The following MOBP variants were observed in gnomAD, a reference collection of about 807,000 sequenced individuals.
MOBP encodes the protein myelin-associated oligodendrocyte basic protein.
MOBP carries 5 observed loss-of-function variants against 15.0 expected under a neutral mutation model. The observed-to-expected ratio is 0.33, with a 90% CI of 0.17 to 0.70. The LOEUF (loss-of-function observed/expected upper bound fraction) is 0.70. Ranked by LOEUF, MOBP falls within the 30% of genes least tolerant of loss-of-function variation. MOBP has a pLI of 0.67. For missense variants in MOBP, 188 were observed against 257.8 expected (o/e 0.73, Z 1.85); for synonymous variants, 88 against 99.0 (o/e 0.89, Z 0.66).
At chr3:39,526,555 G>A (rs1324389852), downstream of MOBP, 1 of 152,110 alleles carries the variant, frequency 6.6e-6, no homozygotes, top group Admixed American at 6.6e-5. Flanking sequence ...CTTCTTGAGT[G>A]GGAATTCTCA....
chr3:39,513,270 A>G, intron 4 of MOBP: 2 of 808,832 alleles, frequency 2.5e-6, no homozygotes, highest in Non-Finnish European at 3.8e-6. Context: ...TTGCAGAATA[A>G]CCTCAAAGGT....
intron 4 of MOBP, among the ~76,000 whole-genome samples, chr3:39,508,393 A>G (rs928837248): frequency 3.3e-5 from 5 of 152,170 alleles, no homozygotes; most frequent in Non-Finnish European, 7.4e-5. Flanking sequence ...TATTTCACCT[A>G]TGCAGTCAAC....
At chr3:39,474,909 C>T (rs777586594) in intron 1 of MOBP, among the ~76,000 whole-genome samples, 12 of 152,234 alleles carry the variant, frequency 7.9e-5, no homozygotes, top group East Asian at 1.9e-4. Flanking sequence ...TAACATCTTA[C>T]GTAACTGTGT....
At chr3:39,516,634 C>T (rs2043205949), downstream of MOBP, among the ~76,000 whole-genome samples, 1 of 152,080 alleles carries the variant, frequency 6.6e-6, no homozygotes, top group Non-Finnish European at 1.5e-5. Context: ...TTTGAAATGA[C>T]CTATATAATT....
chr3:39,472,617 C>T (rs2042487139), intron 1 of MOBP, among the ~76,000 whole-genome samples: 1 of 152,200 alleles, frequency 6.6e-6, no homozygotes, highest in Non-Finnish European at 1.5e-5. Context: ...CCCCTTCTCT[C>T]ACTCAGCCAA....
chr3:39,481,374 G>A (rs931317021), intron 2 of MOBP, among the ~76,000 whole-genome samples: 2 of 152,180 alleles, frequency 1.3e-5, no homozygotes, highest in African/African-American at 4.8e-5. Flanking sequence ...ACTTCATACT[G>A]TCAAAAGTCT....
At chr3:39,509,166 T>C (rs781712988) in intron 4 of MOBP, among the ~76,000 whole-genome samples, 39 of 152,206 alleles carry the variant, frequency 2.6e-4, no homozygotes, top group Non-Finnish European at 5.3e-4. Context: ...GAAAGATGTT[T>C]GTTTCCAGTT....
intron 4 of MOBP, chr3:39,513,255 G>A: frequency 1.5e-6 from 1 of 688,466 alleles, no homozygotes; most frequent in Non-Finnish European, 2.3e-6. Context: ...TTAAAGAGAA[G>A]GATTTTGCAG....
At chr3:39,473,546 G>A (rs559642293) in intron 1 of MOBP, among the ~76,000 whole-genome samples, 1 of 152,322 alleles carries the variant, frequency 6.6e-6, no homozygotes, top group South Asian at 2.1e-4. Context: ...TCTGGTCCTG[G>A]AGGGATAAGG....
In MOBP at chr3:39,502,555, C is replaced by T. The variant is rs757284260; in HGVS notation, c.227C>T (p.Ser76Phe). ...QKTRTSRRAK[S>F]PQRPKQQPAA... ...CTCAGAACCAGCCGCCGTGCCAAGT[C>T]CCCTCAGAGGCCCAAGCAACAGCCA... The change falls in exon 4 of 4, where the codon TCC becomes TTC. Residue 76 changes from serine (S) to phenylalanine (F), a missense_variant. Coordinates refer to ENST00000684792, the MANE Select transcript of MOBP (RefSeq NM_001393704.1). This position sits in a 1 kb window ranked among gnomAD's most constrained non-coding sequence, Gnocchi z 6.3. 1.3e-5 allele frequency: 20 copies of T among 1,580,666 alleles called. No homozygotes were observed. Among genetic ancestry groups the T allele is most frequent in the Non-Finnish European group, 1.7e-5 (20 of 1,172,182 alleles).
chr3:39,525,051 A>G (rs1364159660), downstream of MOBP: 2 of 152,284 alleles, frequency 1.3e-5, no homozygotes, highest in African/African-American at 2.4e-5. Flanking sequence ...CACTTTTCTT[A>G]TAATGCAATA....
intron 2 of MOBP, among the ~76,000 whole-genome samples, chr3:39,490,224 C>T (rs2042775788): frequency 6.6e-6 from 1 of 152,136 alleles, no homozygotes; most frequent in South Asian, 2.1e-4. Context: ...ACTATCCTCC[C>T]CCTGTCCTCA....
intron 2 of MOBP, among the ~76,000 whole-genome samples, chr3:39,497,996 C>G (rs961366981): frequency 6.6e-6 from 1 of 152,198 alleles, no homozygotes; most frequent in Admixed American, 6.5e-5. Flanking sequence ...GACTAAAACT[C>G]TGTGATTGGT....
chr3:39,519,055 GCT>G (rs2043235767), downstream of MOBP, among the ~76,000 whole-genome samples: 1 of 152,094 alleles, frequency 6.6e-6, no homozygotes, highest in Non-Finnish European at 1.5e-5. Flanking sequence ...CTTTGGGTTT[GCT>G]ACCTGTAATT....
chr3:39,524,820 T>C (rs2043306373), exon 5 of MOBP: 1 of 152,104 alleles, frequency 6.6e-6, no homozygotes, highest in African/African-American at 2.4e-5. Context: ...ACCAATAGAA[T>C]GAGTGAATCA....
chr3:39,491,945 C>A (rs2042801195), intron 2 of MOBP, among the ~76,000 whole-genome samples: 1 of 152,122 alleles, frequency 6.6e-6, no homozygotes. Flanking sequence ...TGACACACTT[C>A]AACAGGAATA....
chr3:39,489,250 T>G (rs2125640761), intron 2 of MOBP, among the ~76,000 whole-genome samples: 1 of 152,340 alleles, frequency 6.6e-6, no homozygotes, highest in Non-Finnish European at 1.5e-5. Context: ...CTATATTGTC[T>G]CCTAGCACCC....
At chr3:39,509,275 T>A (rs689352) in intron 4 of MOBP, among the ~76,000 whole-genome samples, 46,877 of 152,062 alleles carry the variant, frequency 0.31, 9,475 homozygotes, top group African/African-American at 0.58. Context: ...AATATGGTAG[T>A]TATTTGTTTA....
intron 1 of MOBP, among the ~76,000 whole-genome samples, chr3:39,474,660 C>T (rs538393191): frequency 3.9e-5 from 6 of 152,256 alleles, no homozygotes; most frequent in African/African-American, 1.4e-4. Context: ...TTGCTTCTCC[C>T]CATCCATTAA....
Sources: allele counts gnomAD v4.1 joint callset (sites outside exome capture counted in the v4.1 genomes callset), GRCh38; gene constraint gnomAD v4.1.1; non-coding constraint Gnocchi (gnomAD v3.1); transcripts MANE v1.5; gene names NCBI Gene and HGNC (gene_info 2026-07-23, HGNC 2026-07-21).